The following PAH variants were observed in gnomAD, a reference collection of about 807,000 sequenced individuals.
PAH encodes the protein phenylalanine-4-hydroxylase.
PAH carries 64 observed loss-of-function variants against 62.0 expected under a neutral mutation model. The observed-to-expected ratio is 1.03, with a 90% CI of 0.84 to 1.27. The LOEUF is 1.27. Ranked by LOEUF, PAH falls within the 50% of genes most tolerant of loss-of-function variation. The pLI is 0.00. For synonymous variants in PAH, 195 were observed against 196.2 expected, an observed-to-expected ratio of 0.99 and a Z score of 0.05; for missense variants, 579 against 542.8, an observed-to-expected ratio of 1.07 and a Z score of -0.66.
intron 2 of PAH, among the ~76,000 whole-genome samples, chr12:102,906,832 A>C (rs190084790): frequency 6.6e-6 from 1 of 152,210 alleles, no homozygotes. Context: ...CATGGAGTCC[A>C]TCCTCTTGGC....
At chr12:102,941,138 C>T (rs1426946573) in intron 1 of PAH, among the ~76,000 whole-genome samples, 3 of 152,134 alleles carry the variant, frequency 2.0e-5, no homozygotes, top group Non-Finnish European at 4.4e-5. Context: ...GAATTCATTA[C>T]CAACAAACCT....
At chr12:102,863,340 T>C (rs1488316073) in intron 5 of PAH, among the ~76,000 whole-genome samples, 1 of 152,220 alleles carries the variant, frequency 6.6e-6, no homozygotes, top group African/African-American at 2.4e-5. Context: ...CAAGATGTTC[T>C]GCTGGTTGAC....
chr12:102,877,983 G>A (rs1876646653), intron 3 of PAH, among the ~76,000 whole-genome samples: 1 of 152,042 alleles, frequency 6.6e-6, no homozygotes, highest in African/African-American at 2.4e-5. Flanking sequence ...ACGCCATCAT[G>A]CCTGCCCAAT....
intron 1 of PAH, chr12:102,915,050 G>A (rs1024768371): frequency 1.3e-5 from 2 of 152,270 alleles, no homozygotes; most frequent in Non-Finnish European, 2.9e-5. Context: ...CTGTGGTACC[G>A]AATCTCTGGA....
chr12:102,883,113 G>A (rs973855125), intron 3 of PAH, among the ~76,000 whole-genome samples: 14 of 152,188 alleles, frequency 9.2e-5, no homozygotes, highest in African/African-American at 2.4e-4. Context: ...ATTTATCGGC[G>A]CAGCAAACCC....
intron 1 of PAH, among the ~76,000 whole-genome samples, chr12:102,939,040 T>G (rs1298769809): frequency 1.3e-5 from 2 of 151,818 alleles, no homozygotes; most frequent in African/African-American, 4.8e-5. Context: ...TTTGCTCACA[T>G]ATCCAACATG....
intron 11 of PAH, among the ~76,000 whole-genome samples, chr12:102,843,211 G>T (rs1362612133): frequency 6.6e-6 from 1 of 152,190 alleles, no homozygotes; most frequent in African/African-American, 2.4e-5. Context: ...CGCACTGGTG[G>T]CAGGGATGAG....
In PAH at chr12:102,957,907, C is replaced by CTT; in HGVS notation, c.-96+286_-96+287dup. On this transcript the variant is annotated intron_variant, in intron 1 of 4. Coordinates refer to the PAH transcript ENST00000551337. The surrounding 1 kb of genome is among the most constrained non-coding windows in gnomAD (Gnocchi z 4.1). ...GCACTGACTTTTGCTGCTGCTTCTG[C>CTT]TTTTTTTTTTCTTAGAAACAAGAAG... The CTT allele has an allele frequency of 2.8e-5, 6 of 215,080 alleles. No homozygotes were observed. Among genetic ancestry groups the CTT allele is most frequent in the East Asian group, 9.6e-5 (1 of 10,370 alleles). The allele number at this position is 215,080 out of a possible 1,614,324, so 13.3% of individuals were successfully genotyped here. A position where few individuals can be genotyped will look rare whatever the true frequency, so the allele number is the denominator to read the frequency against.
chr12:102,928,400 G>T (rs373762370), intron 1 of PAH, among the ~76,000 whole-genome samples: 2 of 152,116 alleles, frequency 1.3e-5, no homozygotes, highest in African/African-American at 4.8e-5. Flanking sequence ...AGAAGTCTGA[G>T]ATATTGTAGT....
chr12:102,882,670 A>G (rs1307254058), intron 3 of PAH, among the ~76,000 whole-genome samples: 11 of 37,002 alleles, frequency 3.0e-4, no homozygotes, highest in Non-Finnish European at 4.9e-4. Flanking sequence ...ATATATATAT[A>G]TATATAAAAT....
chr12:102,868,655 G>C (rs982293314), intron 4 of PAH, among the ~76,000 whole-genome samples: 2 of 103,502 alleles, frequency 1.9e-5, no homozygotes, highest in Non-Finnish European at 3.9e-5. Flanking sequence ...GGTTTGAGAT[G>C]ATGTGGTTAA....
intron 5 of PAH, among the ~76,000 whole-genome samples, chr12:102,862,739 A>G (rs188964053): frequency 6.6e-6 from 1 of 152,238 alleles, no homozygotes; most frequent in Admixed American, 6.5e-5. Flanking sequence ...GAGACTGTTG[A>G]TCTCAGAATT....
At chr12:102,910,931 A>G (rs1878178965) in intron 2 of PAH, among the ~76,000 whole-genome samples, 1 of 152,062 alleles carries the variant, frequency 6.6e-6, no homozygotes, top group Non-Finnish European at 1.5e-5. Context: ...GGAAGTTTAT[A>G]TTCTGCTGCC....
intron 3 of PAH, 80 bp downstream of exon 3, chr12:102,894,655 G>T: frequency 1.9e-6 from 2 of 1,039,298 alleles, no homozygotes; most frequent in Non-Finnish European, 3.0e-6. Context: ...ATTTAAATAT[G>T]CTGTTAAATA....
At chr12:102,928,601 A>G (rs541964509) in intron 1 of PAH, among the ~76,000 whole-genome samples, 3 of 152,144 alleles carry the variant, frequency 2.0e-5, no homozygotes, top group Non-Finnish European at 2.9e-5. Context: ...TGAAAGCATG[A>G]GTTTTGGAGA....
chr12:102,924,231 T>C (rs1490400908), intron 1 of PAH, among the ~76,000 whole-genome samples: 1 of 152,220 alleles, frequency 6.6e-6, no homozygotes, highest in Admixed American at 6.5e-5. Flanking sequence ...GAGTATTGAA[T>C]CTAATGCTGC....
chr12:102,857,386 TG>T (rs1875485162), intron 5 of PAH, among the ~76,000 whole-genome samples: 1 of 152,194 alleles, frequency 6.6e-6, no homozygotes, highest in Admixed American at 6.5e-5. Context: ...GGAACCAAGT[TG>T]GAAAACACTC....
chr12:102,892,033 A>C (rs2136698320), intron 3 of PAH, among the ~76,000 whole-genome samples: 1 of 152,320 alleles, frequency 6.6e-6, no homozygotes, highest in Middle Eastern at 3.4e-3. Flanking sequence ...GGGAGGCTGA[A>C]AAGGAAAGAA....
chr12:102,878,770 T>G (rs1416531936), intron 3 of PAH, among the ~76,000 whole-genome samples: 3 of 152,066 alleles, frequency 2.0e-5, no homozygotes, highest in African/African-American at 7.2e-5. Context: ...TTTAAGGTAT[T>G]GACAGCAGTA....
Sources: allele counts gnomAD v4.1 joint callset (sites outside exome capture counted in the v4.1 genomes callset), GRCh38; gene constraint gnomAD v4.1.1; non-coding constraint Gnocchi (gnomAD v3.1); transcripts MANE v1.5; gene names NCBI Gene and HGNC (gene_info 2026-07-23, HGNC 2026-07-21).